NEK1: variants seen among roughly 807,000 people sequenced by gnomAD.
NEK1 encodes the protein NIMA related kinase 1, also known as serine/threonine-protein kinase Nek1.
A neutral mutation model predicts 182.1 loss-of-function variants in NEK1; 137 were observed. That is an observed-to-expected ratio of 0.75 (90% CI 0.65 to 0.87). The LOEUF is 0.87. Ranked by LOEUF, NEK1 falls within the 40% of genes least tolerant of loss-of-function variation. The probability of loss-of-function intolerance (pLI) is 0.00; values close to 1 mark genes in which losing one functional copy is unlikely to be tolerated. For missense variants in NEK1, 1,391 were observed against 1,494.4 expected, an observed-to-expected ratio of 0.93 and a Z score of 1.14; for synonymous variants, 513 against 492.2, an observed-to-expected ratio of 1.04 and a Z score of -0.56.
chr4:169,583,724 T>C (rs1407721132), intron 10 of NEK1, among the ~76,000 whole-genome samples: 1 of 152,202 alleles, frequency 6.6e-6, no homozygotes, highest in African/African-American at 2.4e-5. Context: ...AATAGTATGC[T>C]ACATAATAAA....
At chr4:169,419,660 A>T (rs1447296677) in intron 31 of NEK1, among the ~76,000 whole-genome samples, 1 of 152,202 alleles carries the variant, frequency 6.6e-6, no homozygotes, top group Non-Finnish European at 1.5e-5. Context: ...GTTACGAGAA[A>T]AGTGTTGTTA....
intron 16 of NEK1, among the ~76,000 whole-genome samples, chr4:169,556,787 C>T (rs965900109): frequency 1.1e-4 from 16 of 149,944 alleles, no homozygotes; most frequent in African/African-American, 3.9e-4. Flanking sequence ...AGAAAAAAGG[C>T]CTTGGGGAGA....
At chr4:169,587,682 C>A in intron 8 of NEK1, 69 bp from the exon 9 acceptor site, 1 of 965,092 alleles carries the variant, frequency 1.0e-6, no homozygotes, top group Non-Finnish European at 1.6e-6. Context: ...GAAACACAAA[C>A]AGCATAAAAG....
chr4:169,455,188 C>T (rs1395742358), intron 27 of NEK1, among the ~76,000 whole-genome samples: 2 of 152,074 alleles, frequency 1.3e-5, no homozygotes, highest in East Asian at 1.9e-4. Flanking sequence ...GGGGTTGGGG[C>T]CTGGCAGAGG....
chr4:169,577,690 C>G (rs1449941648), intron 11 of NEK1, among the ~76,000 whole-genome samples: 1 of 151,832 alleles, frequency 6.6e-6, no homozygotes, highest in Non-Finnish European at 1.5e-5. Flanking sequence ...GGAGGTGGAG[C>G]TTGCAGTGAG....
At chr4:169,566,284 G>GTTCA (rs1408291827) in intron 12 of NEK1, among the ~76,000 whole-genome samples, 2 of 152,106 alleles carry the variant, frequency 1.3e-5, no homozygotes, top group East Asian at 3.8e-4. Context: ...TCTTCTAATG[G>GTTCA]TTCATATTGC....
In NEK1 at chr4:169,576,988, T is replaced by A. The variant is rs760203410; in HGVS notation, c.960A>T (p.Ala320=). Residue 320 remains alanine, a synonymous_variant, in exon 12 of 36, where the codon GCA becomes GCT. Transcript: ENST00000507142. The stretch of plus-strand genomic sequence containing the variant: ...ATTTTTTATCTCCATATTTCTTATA[T>A]GCTAAAGGTATTCCATATTTAGCGG... ...KPAAKYGIPL[A]YKKYGDKKLH... is the part of the protein sequence containing the mutation. 7 of 1,612,610 alleles carry A rather than the reference T, an allele frequency of 4.3e-6. No individual in the cohort carries two copies. The highest frequency in any genetic ancestry group is 5.9e-6 in the Non-Finnish European group (7 of 1,178,874).
intron 2 of NEK1, among the ~76,000 whole-genome samples, chr4:169,608,371 G>C (rs964395459): frequency 1.3e-4 from 20 of 152,288 alleles, no homozygotes; most frequent in African/African-American, 4.8e-4. Context: ...CCAGCAGTGA[G>C]ACAACTGGGT....
intron 35 of NEK1, among the ~76,000 whole-genome samples, chr4:169,397,200 G>C (rs1179054560): frequency 1.3e-5 from 2 of 151,376 alleles, no homozygotes; most frequent in East Asian, 3.9e-4. Flanking sequence ...CTCCAACCTG[G>C]GTGACAGAGC....
chr4:169,431,543 T>C (rs1421820644), intron 29 of NEK1, among the ~76,000 whole-genome samples: 1 of 151,408 alleles, frequency 6.6e-6, no homozygotes, highest in Non-Finnish European at 1.5e-5. Context: ...AAAAAATGTA[T>C]ACAAACAGAC....
intron 26 of NEK1, among the ~76,000 whole-genome samples, chr4:169,470,070 A>G (rs1487857746): frequency 6.7e-5 from 10 of 149,906 alleles, no homozygotes; most frequent in Non-Finnish European, 1.0e-4. Context: ...ATGAGTCTTG[A>G]CTCTTTATCC....
intron 31 of NEK1, among the ~76,000 whole-genome samples, chr4:169,421,064 T>A (rs1173940259): frequency 6.6e-6 from 1 of 152,160 alleles, no homozygotes; most frequent in African/African-American, 2.4e-5. Context: ...ATGGCTATAA[T>A]AAAACCAGAG....
In NEK1 at chr4:169,477,500, T is replaced by A; in HGVS notation, c.2140-3A>T. On this transcript the variant is annotated splice_region_variant and splice_polypyrimidine_tract_variant and intron_variant, in intron 24 of 35. Transcript: ENST00000507142. ...CGGGTATCAGTTAAACTACTGTCCT[T>A]TAAATGCAGATAGATACAGAGGAAG... 1 of 1,597,888 alleles carries A rather than the reference T, an allele frequency of 6.3e-7. No homozygotes were observed. The highest frequency in any genetic ancestry group is 8.6e-7 in the Non-Finnish European group (1 of 1,169,018).
intron 23 of NEK1, among the ~76,000 whole-genome samples, chr4:169,496,922 A>G (rs2149643666): frequency 6.6e-6 from 1 of 152,336 alleles, no homozygotes; most frequent in South Asian, 2.1e-4. Context: ...GCCTCATAAA[A>G]TGCGTTAGGG....
At chr4:169,405,374 T>C (rs939479676) in intron 32 of NEK1, among the ~76,000 whole-genome samples, 1 of 152,146 alleles carries the variant, frequency 6.6e-6, no homozygotes, top group Non-Finnish European at 1.5e-5. Context: ...AAACACTGTA[T>C]AAAAGATAAA....
At chr4:169,600,142 A>C (rs923113543) in intron 4 of NEK1, among the ~76,000 whole-genome samples, 3 of 152,186 alleles carry the variant, frequency 2.0e-5, no homozygotes, top group Non-Finnish European at 4.4e-5. Flanking sequence ...TCACAACTCA[A>C]AGAACAGTTT....
intron 26 of NEK1, among the ~76,000 whole-genome samples, chr4:169,465,060 T>C (rs1744665207): frequency 6.6e-6 from 1 of 152,080 alleles, no homozygotes; most frequent in Admixed American, 6.6e-5. Flanking sequence ...GGTAACCTAA[T>C]ACATATTGAT....
chr4:169,402,403 A>T (rs1465586047), intron 32 of NEK1, among the ~76,000 whole-genome samples: 2 of 152,210 alleles, frequency 1.3e-5, no homozygotes, highest in Non-Finnish European at 2.9e-5. Flanking sequence ...TAATAGGATG[A>T]CCCAGTGAAT....
intron 19 of NEK1, among the ~76,000 whole-genome samples, chr4:169,531,189 T>C (rs961850673): frequency 2.0e-5 from 3 of 152,042 alleles, no homozygotes; most frequent in African/African-American, 7.2e-5. Flanking sequence ...TTTGAAGTAG[T>C]AGTTCATGAT....
Sources: allele counts gnomAD v4.1 joint callset (sites outside exome capture counted in the v4.1 genomes callset), GRCh38; gene constraint gnomAD v4.1.1; transcripts MANE v1.5; gene names NCBI Gene and HGNC (gene_info 2026-07-23, HGNC 2026-07-21).